The following CSMD1 variants were observed in gnomAD, a reference collection of about 807,000 sequenced individuals.
CSMD1 encodes the protein CUB and sushi domain-containing protein 1.
In CSMD1, 213 loss-of-function variants were observed where a neutral mutation model predicts 417.5. The ratio of observed to expected loss-of-function variants is 0.51; its 90% CI spans 0.46 to 0.57. The LOEUF (loss-of-function observed/expected upper bound fraction) is 0.57. CSMD1 is among the 20% of genes least tolerant of loss of function. CSMD1 has a pLI of 0.00. For missense variants in CSMD1, 6,923 were observed against 4,529.7 expected (o/e 1.53, Z -15.17); for synonymous variants, 2,862 against 1,736.8 (o/e 1.65, Z -16.11).
At chr8:4,906,017 A>G (rs889095109) in intron 1 of CSMD1, among the ~76,000 whole-genome samples, 1 of 152,068 alleles carries the variant, frequency 6.6e-6, no homozygotes, top group Non-Finnish European at 1.5e-5. Context: ...TGATCCGATA[A>G]ATTAAAATAG....
At chr8:4,364,188 A>G (rs1162834201) in intron 3 of CSMD1, among the ~76,000 whole-genome samples, 1 of 152,204 alleles carries the variant, frequency 6.6e-6, no homozygotes, top group African/African-American at 2.4e-5. Flanking sequence ...AATGCCCACA[A>G]AAATTTAAAA....
intron 5 of CSMD1, among the ~76,000 whole-genome samples, chr8:3,927,969 A>T (rs73661023): frequency 2.0e-5 from 3 of 152,080 alleles, no homozygotes; most frequent in Admixed American, 1.3e-4. Flanking sequence ...TTCATTTAAC[A>T]TAATTTTTAT....
At chr8:3,509,527 T>C (rs1385334515) in intron 10 of CSMD1, among the ~76,000 whole-genome samples, 1 of 152,232 alleles carries the variant, frequency 6.6e-6, no homozygotes, top group African/African-American at 2.4e-5. Context: ...AGGTAGGCTA[T>C]TCTACCAAGA....
At chr8:3,519,267 C>A (rs1338885637) in intron 10 of CSMD1, among the ~76,000 whole-genome samples, 1 of 152,150 alleles carries the variant, frequency 6.6e-6, no homozygotes, top group Non-Finnish European at 1.5e-5. Context: ...TCATATTTTT[C>A]TTTCTGAAAA....
At chr8:4,898,921 G>C (rs936969435) in intron 1 of CSMD1, among the ~76,000 whole-genome samples, 9 of 152,132 alleles carry the variant, frequency 5.9e-5, no homozygotes, top group African/African-American at 2.2e-4. Context: ...ATTAGATTTA[G>C]AGATAATGAA....
At chr8:3,656,387 T>A (rs1312327335) in intron 7 of CSMD1, among the ~76,000 whole-genome samples, 1 of 150,594 alleles carries the variant, frequency 6.6e-6, no homozygotes, top group East Asian at 2.0e-4. Context: ...ACCTGCTTTC[T>A]CTTTTTTTTT....
At chr8:4,667,182 G>A (rs1483112738) in intron 1 of CSMD1, among the ~76,000 whole-genome samples, 1 of 151,980 alleles carries the variant, frequency 6.6e-6, no homozygotes, top group Non-Finnish European at 1.5e-5. Flanking sequence ...CCTATTTGTG[G>A]ACTCTATTTT....
At chr8:4,802,348 CGCGCGTGT>C (rs1563432262) in intron 1 of CSMD1, among the ~76,000 whole-genome samples, 1,593 of 140,782 alleles carry the variant, frequency 0.011, 26 homozygotes, top group African/African-American at 0.045. Flanking sequence ...TGAGTGTGTG[CGCGCGTGT>C]GTGTGTGTGT....
At chr8:4,912,135 A>AAAAAAAAGAAAAAG (rs765904838) in intron 1 of CSMD1, among the ~76,000 whole-genome samples, 1 of 115,614 alleles carries the variant, frequency 8.6e-6, no homozygotes, top group Non-Finnish European at 1.9e-5. Flanking sequence ...AAAAAAAAAA[A>AAAAAAAAGAAAAAG]AAAAAAGAAA....
chr8:4,697,867 C>T (rs576215775), intron 1 of CSMD1, among the ~76,000 whole-genome samples: 1 of 152,158 alleles, frequency 6.6e-6, no homozygotes, highest in Non-Finnish European at 1.5e-5. Context: ...TTTGTAATAT[C>T]TTACATAATA....
chr8:3,437,551 A>T (rs888245334), intron 12 of CSMD1, among the ~76,000 whole-genome samples: 1 of 152,328 alleles, frequency 6.6e-6, no homozygotes, highest in Non-Finnish European at 1.5e-5. Context: ...CAACGTATCC[A>T]GGGAAAAACT....
chr8:3,782,459 T>C (rs555101829), intron 5 of CSMD1, among the ~76,000 whole-genome samples: 1 of 152,290 alleles, frequency 6.6e-6, no homozygotes, highest in Non-Finnish European at 1.5e-5. Flanking sequence ...TAATGACGCA[T>C]AACATGTATA....
chr8:3,672,471 G>A (rs376587537), intron 7 of CSMD1, among the ~76,000 whole-genome samples: 71 of 152,282 alleles, frequency 4.7e-4, no homozygotes, highest in East Asian at 1.7e-3. Flanking sequence ...TTCAAAACAC[G>A]TGTAGGTCTG....
intron 3 of CSMD1, among the ~76,000 whole-genome samples, chr8:4,256,477 G>A (rs993154248): frequency 6.6e-6 from 1 of 152,146 alleles, no homozygotes; most frequent in African/African-American, 2.4e-5. Flanking sequence ...ACCGAGTACT[G>A]GTAAAGGGAG....
chr8:4,077,021 C>G (rs904444401), intron 3 of CSMD1, among the ~76,000 whole-genome samples: 6 of 152,178 alleles, frequency 3.9e-5, no homozygotes, highest in Admixed American at 2.0e-4. Flanking sequence ...AAAATTGCAA[C>G]TCTAGGTAAT....
At chr8:3,133,380 C>T (rs894942818) in intron 41 of CSMD1, among the ~76,000 whole-genome samples, 5 of 152,206 alleles carry the variant, frequency 3.3e-5, no homozygotes, top group African/African-American at 1.2e-4. Context: ...CCTTTACAAT[C>T]GTCCTCAGTC....
chr8:3,844,673 A>G (rs1270491027), intron 5 of CSMD1, among the ~76,000 whole-genome samples: 3 of 152,178 alleles, frequency 2.0e-5, no homozygotes, highest in Non-Finnish European at 4.4e-5. Flanking sequence ...ATTTGAATTC[A>G]TCATTGTCGG....
At chr8:3,959,103 T>G (rs1785341741) in intron 5 of CSMD1, among the ~76,000 whole-genome samples, 1 of 152,196 alleles carries the variant, frequency 6.6e-6, no homozygotes, top group Non-Finnish European at 1.5e-5. Context: ...CTCTGTCACA[T>G]GCTTTCACTT....
intron 3 of CSMD1, among the ~76,000 whole-genome samples, chr8:4,313,209 G>C (rs1212095381): frequency 6.6e-6 from 1 of 151,968 alleles, no homozygotes; most frequent in Non-Finnish European, 1.5e-5. Flanking sequence ...ATAATAACAG[G>C]AAAAGCTTAA....
Sources: gnomAD v4.1 joint callset for allele counts (sites outside exome capture counted in the v4.1 genomes callset) on GRCh38, gnomAD v4.1.1 for gene constraint, MANE v1.5 for transcripts, NCBI Gene and HGNC (gene_info 2026-07-23, HGNC 2026-07-21) for gene names.